Variants in DYM observed in about 807,000 individuals in gnomAD.
DYM encodes dyggve-Melchior-Clausen syndrome protein.
Under a neutral mutation model 93.1 loss-of-function variants are expected in DYM, and 78 were observed. The observed-to-expected ratio is 0.84, with a 90% CI of 0.70 to 1.01. The LOEUF is 1.01. DYM is among the 50% of genes least tolerant of loss of function. DYM has a pLI of 0.00. For missense variants in DYM, 789 were observed against 845.0 expected (o/e 0.93, Z 0.82); for synonymous variants, 321 against 319.7 (o/e 1.00, Z -0.04).
chr18:49,321,408 G>A (rs1020613464), intron 8 of DYM: 3 of 397,954 alleles, frequency 7.5e-6, no homozygotes, highest in Non-Finnish European at 1.3e-5. Context: ...GTAGAAGGTG[G>A]GCTTAATGAT....
At position 49,256,083 on chromosome 18, in the gene DYM, CAAAA is replaced by C. The variant is rs11337971; in HGVS notation, c.1460+923_1460+926del. 4.3e-3 allele frequency among the ~76,000 whole-genome samples: 368 copies of C among 85,856 alleles called. 3 individuals carry two copies. The highest frequency in any genetic ancestry group is 0.016 in the African/African-American group (340 of 20,922). 56.3% of individuals were successfully genotyped at this position (85,856 alleles called of 152,430 possible). On this transcript the variant is annotated intron_variant, in intron 13 of 17. Transcript: ENST00000675505. Reference sequence around the variant, plus strand: ...TGGGTGACAGAGCGAGACTCCATCTCAAAAAAAAAAAAAAAAAAAAAGTCATGTC... The same window carrying C: ...TGGGTGACAGAGCGAGACTCCATCTCAAAAAAAAAAAAAAAAAGTCATGTC...
chr18:49,289,924 A>G (rs535603311), intron 8 of DYM, among the ~76,000 whole-genome samples: 1 of 151,594 alleles, frequency 6.6e-6, no homozygotes, highest in African/African-American at 2.4e-5. Context: ...TAAAAGACTG[A>G]TAACACTGAT....
intron 8 of DYM, among the ~76,000 whole-genome samples, chr18:49,302,823 A>G (rs1301344516): frequency 6.6e-6 from 1 of 152,202 alleles, no homozygotes; most frequent in Non-Finnish European, 1.5e-5. Context: ...TTCCAACTCT[A>G]AAACTGATGC....
chr18:49,112,098 C>A (rs2081455529), intron 16 of DYM, among the ~76,000 whole-genome samples: 3 of 152,132 alleles, frequency 2.0e-5, no homozygotes, highest in Admixed American at 2.0e-4. Context: ...AGGTTTGGTG[C>A]CTGCCTCTGC....
intron 15 of DYM, among the ~76,000 whole-genome samples, chr18:49,130,924 C>T (rs2083324492): frequency 6.6e-6 from 1 of 152,212 alleles, no homozygotes; most frequent in Non-Finnish European, 1.5e-5. Flanking sequence ...TGAATCCCAG[C>T]TTTACCATAT....
chr18:49,177,078 G>T (rs1032711311), intron 14 of DYM, among the ~76,000 whole-genome samples: 1 of 152,114 alleles, frequency 6.6e-6, no homozygotes, highest in East Asian at 1.9e-4. Context: ...AATCTGTCCA[G>T]TTTTTTAAAA....
intron 17 of DYM, among the ~76,000 whole-genome samples, chr18:49,075,483 T>C (rs1348992314): frequency 3.9e-5 from 6 of 152,190 alleles, no homozygotes. Flanking sequence ...TGAGCCAATA[T>C]GTCCATTATG....
At chr18:49,088,197 T>C (rs2078727415) in intron 17 of DYM, among the ~76,000 whole-genome samples, 1 of 152,246 alleles carries the variant, frequency 6.6e-6, no homozygotes, top group South Asian at 2.1e-4. Context: ...CCCATGCCTA[T>C]GTCCTGAATG....
chr18:49,432,345 A>G (rs569108048), intron 1 of DYM, among the ~76,000 whole-genome samples: 1,761 of 150,506 alleles, frequency 0.012, 35 homozygotes, highest in African/African-American at 0.039. Context: ...AAAAAAAAAA[A>G]AAAGAAAGAA....
chr18:49,358,502 G>C (rs946713229), intron 6 of DYM, among the ~76,000 whole-genome samples: 3 of 152,134 alleles, frequency 2.0e-5, no homozygotes, highest in African/African-American at 7.2e-5. Context: ...GAAAAAGGCA[G>C]TGAAAGCAAT....
intron 17 of DYM, among the ~76,000 whole-genome samples, chr18:49,059,201 T>C (rs1421399774): frequency 6.6e-6 from 1 of 152,200 alleles, no homozygotes; most frequent in Non-Finnish European, 1.5e-5. Context: ...CCGTCCACCA[T>C]GTAAGGACAC....
intron 13 of DYM, among the ~76,000 whole-genome samples, chr18:49,230,326 C>T (rs1020429213): frequency 6.6e-6 from 1 of 152,164 alleles, no homozygotes; most frequent in Non-Finnish European, 1.5e-5. Flanking sequence ...AAGCTCAATT[C>T]TAATGTCCTG....
At chr18:49,439,286 T>C (rs1217857114) in intron 1 of DYM, among the ~76,000 whole-genome samples, 1 of 152,206 alleles carries the variant, frequency 6.6e-6, no homozygotes, top group Admixed American at 6.5e-5. Flanking sequence ...CTGATGCTTT[T>C]AGTAGTAAAC....
intron 16 of DYM, among the ~76,000 whole-genome samples, chr18:49,106,349 CTCTT>C (rs2080806213): frequency 6.6e-6 from 1 of 152,172 alleles, no homozygotes; most frequent in Admixed American, 6.5e-5. Flanking sequence ...TGGGTCTTGA[CTCTT>C]TATCCAATTT....
chr18:49,060,637 GA>G (rs1293536204), intron 17 of DYM, among the ~76,000 whole-genome samples: 1 of 93,474 alleles, frequency 1.1e-5, no homozygotes, highest in Non-Finnish European at 2.3e-5. Context: ...AGGGGGGAGA[GA>G]GGGGGAGAGG....
At chr18:49,079,369 T>C (rs1003431608) in intron 17 of DYM, among the ~76,000 whole-genome samples, 3 of 152,156 alleles carry the variant, frequency 2.0e-5, no homozygotes, top group Admixed American at 6.5e-5. Context: ...TCCTGAATAA[T>C]ATTAATGTTA....
At chr18:49,357,601 T>C (rs936633746) in intron 6 of DYM, among the ~76,000 whole-genome samples, 2 of 152,198 alleles carry the variant, frequency 1.3e-5, no homozygotes, top group Non-Finnish European at 2.9e-5. Context: ...TGTTTCCATA[T>C]AGACTAGATG....
intron 6 of DYM, among the ~76,000 whole-genome samples, chr18:49,352,477 A>C (rs1441435248): frequency 6.6e-6 from 1 of 152,226 alleles, no homozygotes; most frequent in Non-Finnish European, 1.5e-5. Flanking sequence ...CTTACATGGG[A>C]AAGTAGATCA....
chr18:49,062,898 G>A (rs543915687), intron 17 of DYM, among the ~76,000 whole-genome samples: 51 of 152,198 alleles, frequency 3.4e-4, no homozygotes, highest in Admixed American at 5.9e-4. Context: ...GTGATGGGAA[G>A]GAGATTATAA....
Sources: gnomAD v4.1 joint callset for allele counts (sites outside exome capture counted in the v4.1 genomes callset) on GRCh38, gnomAD v4.1.1 for gene constraint, MANE v1.5 for transcripts, NCBI Gene and HGNC (gene_info 2026-07-23, HGNC 2026-07-21) for gene names.